The following SYCP1 variants were observed in gnomAD, a reference collection of about 807,000 sequenced individuals.
SYCP1 encodes the protein cancer/testis antigen 8.
SYCP1 carries 64 observed loss-of-function variants against 153.1 expected under a neutral mutation model. The ratio of observed to expected loss-of-function variants is 0.42; its 90% CI spans 0.34 to 0.51. The LOEUF (loss-of-function observed/expected upper bound fraction) is 0.51. Ranked by LOEUF, SYCP1 falls within the 20% of genes least tolerant of loss-of-function variation. The pLI, the probability that SYCP1 is intolerant of heterozygous loss-of-function variation, is 0.06. For synonymous variants in SYCP1, 384 were observed against 341.8 expected, an observed-to-expected ratio of 1.12 and a Z score of -1.36; for missense variants, 997 against 1,049.0, an observed-to-expected ratio of 0.95 and a Z score of 0.68.
Position 114,895,455 on chromosome 1 carries a change from G to T in SYCP1, c.1266G>T (p.Met422Ile). 2 of 1,514,160 alleles carry T rather than the reference G, an allele frequency of 1.3e-6. No individual in the cohort carries two copies. Among genetic ancestry groups the T allele is most frequent in the South Asian group, 1.2e-5 (1 of 81,392 alleles). 93.8% of individuals were successfully genotyped at this position (1,514,160 alleles called of 1,614,324 possible). A position where few individuals can be genotyped will look rare whatever the true frequency, so the allele number is the denominator to read the frequency against. The change falls in exon 16 of 32, where the codon ATG (methionine) becomes ATT (isoleucine). Residue 422 changes from methionine (M) to isoleucine (I), a missense_variant. By Grantham distance (10) the Met-to-Ile change is conservative (BLOSUM62 1). Coordinates refer to ENST00000369522, the MANE Select transcript of SYCP1 (RefSeq NM_003176.4). The stretch of plus-strand genomic sequence containing the variant: ...TTTTTTTGCTCATTTTAGAAGAGAT[G>T]ACTAAGCTTACAAATAACAAAGAAG... The part of the protein sequence containing the change: ...LQKKSSELEE[M>I]TKLTNNKEVE...
intron 27 of SYCP1, among the ~76,000 whole-genome samples, chr1:114,977,342 T>C (rs1280309215): frequency 1.3e-5 from 2 of 151,796 alleles, no homozygotes; most frequent in Non-Finnish European, 3.0e-5. Flanking sequence ...AGATATACAC[T>C]AGAGACTGAT....
chr1:114,901,956 G>C (rs1171512021), intron 16 of SYCP1, among the ~76,000 whole-genome samples: 2 of 152,210 alleles, frequency 1.3e-5, no homozygotes, highest in African/African-American at 4.8e-5. Context: ...TCTTATGCAA[G>C]TTGTTCCTCC....
intron 8 of SYCP1, among the ~76,000 whole-genome samples, chr1:114,862,352 GTTTTT>G (rs67029711): frequency 7.1e-6 from 1 of 140,344 alleles, no homozygotes; most frequent in Non-Finnish European, 1.5e-5. Flanking sequence ...TTTGTTCTTT[GTTTTT>G]TTTTTTTTTT....
Position 114,947,271 on chromosome 1 carries a change from C to T in SYCP1, c.2273C>T (p.Ala758Val). The T allele has an allele frequency of 3.7e-6, 6 of 1,612,770 alleles. No homozygotes were observed. The highest frequency in any genetic ancestry group is 5.1e-6 in the Non-Finnish European group (6 of 1,179,518). The change falls in exon 27 of 32, where the codon GCT becomes GTT. Residue 758 changes from alanine (A) to valine (V), a missense_variant. Physicochemically the swap from Ala to Val is moderately conservative, Grantham distance 64 (BLOSUM62 0). Around this residue, in one of 2 missense-constraint regions of SYCP1, gnomAD observed 712 missense variants for 682.9 expected, o/e 1.04. Transcript: ENST00000369522. ...SLEIELSNLKAELLSVKKQLE... is the reference protein window; with the variant it reads ...SLEIELSNLKVELLSVKKQLE... Reference sequence around the variant, plus strand: ...GAGATTGAACTATCCAATCTCAAAGCTGAACTTTTGTCTGTTAAGAAGCAA... The same window carrying T: ...GAGATTGAACTATCCAATCTCAAAGTTGAACTTTTGTCTGTTAAGAAGCAA...
intron 2 of SYCP1, 21 bp downstream of exon 2, chr1:114,855,593 T>C (rs369433095): frequency 5.1e-5 from 79 of 1,546,134 alleles, no homozygotes; most frequent in Non-Finnish European, 6.7e-5. Flanking sequence ...ATGTGACTCT[T>C]AATTGGACTC....
chr1:114,874,460 C>T (rs1665379355), intron 8 of SYCP1, 46 bp from the exon 9 acceptor site: 1 of 1,139,966 alleles, frequency 8.8e-7, no homozygotes, highest in East Asian at 2.4e-5. Context: ...GTCTTGTTGA[C>T]ATCTTATTTT....
At chr1:114,891,174 T>C (rs1395773120) in intron 15 of SYCP1, among the ~76,000 whole-genome samples, 1 of 152,180 alleles carries the variant, frequency 6.6e-6, no homozygotes, top group Non-Finnish European at 1.5e-5. Flanking sequence ...ACTTACATCT[T>C]GGTTAAAGTG....
At chr1:114,938,229 G>A (rs1031660542) in intron 23 of SYCP1, among the ~76,000 whole-genome samples, 5 of 152,126 alleles carry the variant, frequency 3.3e-5, no homozygotes, top group African/African-American at 7.2e-5. Context: ...AAAAAAGGAC[G>A]AGTTCATGTC....
At chr1:114,865,646 A>C (rs1664693129) in intron 8 of SYCP1, among the ~76,000 whole-genome samples, 1 of 152,120 alleles carries the variant, frequency 6.6e-6, no homozygotes, top group Non-Finnish European at 1.5e-5. Flanking sequence ...GATTATCAAC[A>C]TAACTCACCA....
intron 29 of SYCP1, among the ~76,000 whole-genome samples, chr1:114,983,463 TG>T (rs1443608087): frequency 6.6e-6 from 1 of 152,124 alleles, no homozygotes; most frequent in East Asian, 1.9e-4. Flanking sequence ...TCAGGTTGAA[TG>T]TAATCAGCTA....
At chr1:114,885,676 A>G (rs1557771127) in intron 13 of SYCP1, 47 bp downstream of exon 13, 2 of 1,080,342 alleles carry the variant, frequency 1.9e-6, no homozygotes, top group Non-Finnish European at 2.7e-6. Flanking sequence ...CACCCTATCA[A>G]TCAGTCAACA....
chr1:114,863,984 C>T (rs1484204821), intron 8 of SYCP1, among the ~76,000 whole-genome samples: 1 of 77,358 alleles, frequency 1.3e-5, no homozygotes, highest in South Asian at 3.3e-4. Flanking sequence ...GGGTGGGGGG[C>T]AGGGGGAGGG....
chr1:114,988,080 C>CAAAAAAAAAAAAAAAAAAA (rs34553973), intron 30 of SYCP1, among the ~76,000 whole-genome samples: 1 of 114,648 alleles, frequency 8.7e-6, no homozygotes, highest in Non-Finnish European at 1.7e-5. Context: ...TGATAAACGG[C>CAAAAAAAAAAAAAAAAAAA]AAAAAAAAAA....
At chr1:114,914,700 C>T (rs1400299310) in intron 20 of SYCP1, among the ~76,000 whole-genome samples, 1 of 152,196 alleles carries the variant, frequency 6.6e-6, no homozygotes, top group African/African-American at 2.4e-5. Context: ...GGACAGTCCA[C>T]TTTTGCTTTC....
intron 27 of SYCP1, among the ~76,000 whole-genome samples, chr1:114,950,849 ACGTCTC>A (rs1671057980): frequency 2.4e-5 from 1 of 40,876 alleles, no homozygotes. Flanking sequence ...ACAGAGTCTC[ACGTCTC>A]ACTCTGTCTC....
intron 16 of SYCP1, 179 bp from the exon 17 acceptor site, chr1:114,910,218 G>A (rs894896938): frequency 9.3e-6 from 4 of 430,134 alleles, no homozygotes; most frequent in Non-Finnish European, 1.7e-5. Context: ...TGTGTCTACT[G>A]AATTGTCTGT....
At chr1:114,915,234 A>C (rs1668445505) in intron 20 of SYCP1, among the ~76,000 whole-genome samples, 1 of 152,170 alleles carries the variant, frequency 6.6e-6, no homozygotes, top group Non-Finnish European at 1.5e-5. Context: ...TGGAAATAAA[A>C]GGTTGTTTTT....
At chr1:114,926,631 C>T (rs1431280306) in intron 23 of SYCP1, 68 bp downstream of exon 23, 2 of 1,313,204 alleles carry the variant, frequency 1.5e-6, no homozygotes, top group African/African-American at 3.0e-5. Context: ...CATTTTATTC[C>T]ACTTGTTTAT....
chr1:114,949,342 A>G (rs1670944673), intron 27 of SYCP1, among the ~76,000 whole-genome samples: 1 of 152,250 alleles, frequency 6.6e-6, no homozygotes, highest in Non-Finnish European at 1.5e-5. Flanking sequence ...GATCTGGTCC[A>G]GTTCTTATCG....
Sources: allele counts gnomAD v4.1 joint callset (sites outside exome capture counted in the v4.1 genomes callset), GRCh38; gene constraint gnomAD v4.1.1; regional missense constraint gnomAD v4.1.1; transcripts MANE v1.5; gene names NCBI Gene and HGNC (gene_info 2026-07-23, HGNC 2026-07-21).